DPP10: variants seen among roughly 807,000 people sequenced by gnomAD.
DPP10 encodes the protein dipeptidyl peptidase like 10.
A neutral mutation model predicts 120.9 loss-of-function variants in DPP10; 33 were observed. The ratio of observed to expected loss-of-function variants is 0.27; its 90% CI spans 0.21 to 0.37. The LOEUF (loss-of-function observed/expected upper bound fraction) is 0.37. Among genes scored for constraint, DPP10 ranks in the 10% least tolerant of loss-of-function variants. The pLI is 1.00. For synonymous variants in DPP10, 337 were observed against 326.1 expected (o/e 1.03, Z -0.36); for missense variants, 816 against 942.8 (o/e 0.87, Z 1.76).
At chr2:114,746,653 C>T (rs1678605095) in intron 1 of DPP10, among the ~76,000 whole-genome samples, 1 of 152,072 alleles carries the variant, frequency 6.6e-6, no homozygotes, top group African/African-American at 2.4e-5. Flanking sequence ...GAGAATGATG[C>T]TAGAAAAAGT....
chr2:115,594,290 A>G (rs572481573), intron 5 of DPP10, among the ~76,000 whole-genome samples: 4 of 152,326 alleles, frequency 2.6e-5, no homozygotes, highest in African/African-American at 9.6e-5. Context: ...CCATGAATTA[A>G]GAATACTTAC....
Position 114,566,170 on chromosome 2 carries a change from G to A in DPP10, c.60+123332G>A, listed in dbSNP as rs140046668. Among the ~76,000 whole-genome samples the A allele has an allele frequency of 1.4e-3, 209 of 152,194 alleles. 2 individuals carry two copies. The highest frequency in any genetic ancestry group is 4.9e-3 in the African/African-American group (205 of 41,536). On this transcript the variant is annotated intron_variant, in intron 1 of 25. Transcript: ENST00000410059. ...TTTCCTTATCTCTTGTCTTTAGATAGCCTGCTTGGGAGACAATTCACTGAG... is the reference window on the plus strand; with the variant it reads ...TTTCCTTATCTCTTGTCTTTAGATAACCTGCTTGGGAGACAATTCACTGAG...
At chr2:115,203,829 C>T (rs1192829038) in intron 1 of DPP10, among the ~76,000 whole-genome samples, 1 of 151,990 alleles carries the variant, frequency 6.6e-6, no homozygotes, top group Non-Finnish European at 1.5e-5. Flanking sequence ...ATTTCCTTTT[C>T]TCCTATCTAT....
chr2:115,043,046 T>C (rs1481964882), intron 1 of DPP10, among the ~76,000 whole-genome samples: 1 of 152,182 alleles, frequency 6.6e-6, no homozygotes. Flanking sequence ...CCCAGAGACA[T>C]AGTACATTTT....
chr2:115,674,653 A>G (rs1321202368), intron 5 of DPP10, among the ~76,000 whole-genome samples: 2 of 152,144 alleles, frequency 1.3e-5, no homozygotes, highest in East Asian at 1.9e-4. Context: ...TGCTTTTAGT[A>G]ATAACCAGGT....
intron 1 of DPP10, among the ~76,000 whole-genome samples, chr2:115,059,601 C>T (rs769167897): frequency 3.4e-5 from 5 of 148,972 alleles, no homozygotes; most frequent in Admixed American, 2.0e-4. Flanking sequence ...CAGAATTAAC[C>T]TCAGTTTTTA....
chr2:115,736,244 C>T (rs745517436), intron 8 of DPP10, among the ~76,000 whole-genome samples: 4 of 152,130 alleles, frequency 2.6e-5, no homozygotes, highest in Non-Finnish European at 4.4e-5. Flanking sequence ...ACTTCTACCC[C>T]TTAGTGCCTA....
In DPP10 at chr2:115,711,915, G is replaced by GTTTTTTTTTTTTTTTTTTTTTTTTTTT. The variant is rs1491280011; in HGVS notation, c.577-15901_577-15900insTTTTTTTTTTTTTTTTTTTTTTTTTTT. Among the ~76,000 whole-genome samples the GTTTTTTTTTTTTTTTTTTTTTTTTTTT allele has an allele frequency of 6.2e-5, 6 of 96,986 alleles. 3 individuals are homozygous for GTTTTTTTTTTTTTTTTTTTTTTTTTTT. The highest frequency in any genetic ancestry group is 2.4e-4 in the Admixed American group (2 of 8,410). The allele number at this position is 96,986 out of a possible 152,430, so 63.6% of individuals were successfully genotyped here. A position where few individuals can be genotyped will look rare whatever the true frequency, so the allele number is the denominator to read the frequency against. The stretch of plus-strand genomic sequence containing the variant: ...GAATATTGGACCTATAAAATGGTCT[G>GTTTTTTTTTTTTTTTTTTTTTTTTTTT]GTTTTTTTTTTTTTTTTTTTTTTGG... On this transcript the variant is annotated intron_variant, in intron 7 of 25. Transcript: ENST00000410059.
At chr2:114,750,808 C>T (rs572705000) in intron 1 of DPP10, among the ~76,000 whole-genome samples, 119 of 152,256 alleles carry the variant, frequency 7.8e-4, no homozygotes, top group African/African-American at 2.7e-3. Context: ...TAACAGGATT[C>T]GTCTCTCACA....
chr2:115,540,304 C>T (rs921708422), intron 5 of DPP10, among the ~76,000 whole-genome samples: 4 of 151,870 alleles, frequency 2.6e-5, no homozygotes. Flanking sequence ...AAAATTCACA[C>T]ACATTTTTCT....
chr2:115,763,131 C>A (rs553612679), intron 12 of DPP10, among the ~76,000 whole-genome samples: 2 of 152,240 alleles, frequency 1.3e-5, no homozygotes, highest in East Asian at 3.9e-4. Context: ...CAGAAGGAAA[C>A]AACACAAATA....
chr2:114,882,535 G>C (rs1691730880), intron 1 of DPP10, among the ~76,000 whole-genome samples: 1 of 151,972 alleles, frequency 6.6e-6, no homozygotes, highest in Admixed American at 6.6e-5. Flanking sequence ...GGGTGGGAGG[G>C]GAGGTGAGGG....
intron 1 of DPP10, among the ~76,000 whole-genome samples, chr2:114,823,465 T>G (rs1558777671): frequency 6.6e-6 from 1 of 152,296 alleles, no homozygotes; most frequent in East Asian, 1.9e-4. Context: ...AAATTTTATC[T>G]TATTCCACAT....
chr2:115,010,711 C>A lies in DPP10; in HGVS notation c.61-298528C>A, dbSNP rs774768298. 7.9e-5 allele frequency among the ~76,000 whole-genome samples: 12 copies of A among 152,078 alleles called. 1 individual carries two copies. The highest frequency in any genetic ancestry group is 1.3e-4 in the Admixed American group (2 of 15,276). The stretch of plus-strand genomic sequence containing the variant: ...TTTTTAAACAGAAGCTCCAAAAATC[C>A]ATCATTTTATGAACAAAATGTCTAT... On this transcript the variant is annotated intron_variant, in intron 1 of 25. Coordinates refer to ENST00000410059, the MANE Select transcript of DPP10 (RefSeq NM_020868.6).
At chr2:114,529,625 T>C (rs1391381560) in intron 1 of DPP10, among the ~76,000 whole-genome samples, 1 of 152,182 alleles carries the variant, frequency 6.6e-6, no homozygotes, top group Non-Finnish European at 1.5e-5. Flanking sequence ...TCTGCTCCTT[T>C]CTTGCCTCCT....
chr2:115,303,532 A>T (rs1204761858), intron 1 of DPP10, among the ~76,000 whole-genome samples: 1 of 151,966 alleles, frequency 6.6e-6, no homozygotes, highest in Non-Finnish European at 1.5e-5. Context: ...ATCCCAGCAT[A>T]TCCAGCACCT....
intron 1 of DPP10, among the ~76,000 whole-genome samples, chr2:115,296,916 T>C (rs957852213): frequency 6.6e-6 from 1 of 152,060 alleles, no homozygotes; most frequent in East Asian, 1.9e-4. Context: ...AGTTTACAGA[T>C]GTTCTAAAAC....
intron 1 of DPP10, among the ~76,000 whole-genome samples, chr2:115,074,904 G>T (rs2104460560): frequency 6.6e-6 from 1 of 152,280 alleles, no homozygotes; most frequent in South Asian, 2.1e-4. Context: ...AATAAAATTG[G>T]CAGGATTAAA....
At chr2:114,565,130 G>C (rs184623914) in intron 1 of DPP10, among the ~76,000 whole-genome samples, 9 of 152,236 alleles carry the variant, frequency 5.9e-5, no homozygotes, top group African/African-American at 1.9e-4. Flanking sequence ...GTGAGCCTCT[G>C]GTTCAAGAAG....
Sources: gnomAD v4.1 joint callset for allele counts (sites outside exome capture counted in the v4.1 genomes callset) on GRCh38, gnomAD v4.1.1 for gene constraint, MANE v1.5 for transcripts, NCBI Gene and HGNC (gene_info 2026-07-23, HGNC 2026-07-21) for gene names.